Variants in FAM118B observed in about 807,000 individuals in gnomAD.
FAM118B encodes protein FAM118B.
FAM118B carries 24 observed loss-of-function variants against 38.5 expected under a neutral mutation model. That is an observed-to-expected ratio of 0.62 (90% CI 0.45 to 0.88). The LOEUF is 0.88. FAM118B is among the 40% of genes least tolerant of loss of function. FAM118B has a pLI of 0.00. For missense variants in FAM118B, 334 were observed against 420.0 expected (o/e 0.80, Z 1.79); for synonymous variants, 138 against 156.3 (o/e 0.88, Z 0.87).
chr11:126,257,198 A>C (rs559390835), intron 7 of FAM118B, among the ~76,000 whole-genome samples: 17 of 152,240 alleles, frequency 1.1e-4, no homozygotes, highest in Middle Eastern at 3.2e-3. Context: ...AAATTTATTC[A>C]TGGAGTATTT....
At chr11:126,251,843 C>T (rs1203591255) in intron 5 of FAM118B, among the ~76,000 whole-genome samples, 5 of 151,634 alleles carry the variant, frequency 3.3e-5, no homozygotes, top group African/African-American at 7.3e-5. Flanking sequence ...CCACAACGCC[C>T]GGCTAATTTT....
At chr11:126,247,789 C>T (rs1015922093) in intron 4 of FAM118B, among the ~76,000 whole-genome samples, 4 of 149,604 alleles carry the variant, frequency 2.7e-5, no homozygotes, top group Admixed American at 6.7e-5. Context: ...ACCCAGGAGG[C>T]GGAGGTTGCA....
intron 2 of FAM118B, among the ~76,000 whole-genome samples, chr11:126,232,671 AT>A (rs999918565): frequency 2.4e-4 from 37 of 151,748 alleles, no homozygotes; most frequent in African/African-American, 8.5e-4. Context: ...TAAAAAATAT[AT>A]TTTTTTAAGT....
rs763404817 is a variant in FAM118B at position 126,253,642 on chromosome 11, AT to A, written c.568-657del. Among the ~76,000 whole-genome samples, 1 of 152,080 alleles carries A rather than the reference AT, an allele frequency of 6.6e-6. No individual in the cohort carries two copies. Among genetic ancestry groups the A allele is most frequent in the Non-Finnish European group, 1.5e-5 (1 of 68,018 alleles). ...ACTGGGCTCAGTGACTCAGCCAGGC[AT>A]TTTTTCTGCTGATTTTTGCACCCTC... On this transcript the variant is annotated intron_variant, in intron 5 of 8. Coordinates refer to ENST00000533050, the MANE Select transcript of FAM118B (RefSeq NM_024556.4). This position sits in a 1 kb window ranked among gnomAD's most constrained non-coding sequence, Gnocchi z 5.1.
At chr11:126,237,027 C>T (rs1950283478) in intron 3 of FAM118B, among the ~76,000 whole-genome samples, 1 of 148,922 alleles carries the variant, frequency 6.7e-6, no homozygotes, top group Admixed American at 6.7e-5. Context: ...CACCATTCTC[C>T]TGCCTCAGCC....
At chr11:126,225,994 A>T (rs1950135213) in intron 1 of FAM118B, among the ~76,000 whole-genome samples, 1 of 152,214 alleles carries the variant, frequency 6.6e-6, no homozygotes, top group African/African-American at 2.4e-5. Context: ...AAAAAGAAGA[A>T]GATTACTAAA....
intron 4 of FAM118B, 118 bp downstream of exon 4, chr11:126,241,162 G>A: frequency 9.0e-7 from 1 of 1,111,566 alleles, no homozygotes; most frequent in Non-Finnish European, 1.3e-6. Context: ...TTCATTTACA[G>A]CTTGTAGGTT....
At chr11:126,214,805 A>C (rs1203685054) in intron 1 of FAM118B, among the ~76,000 whole-genome samples, 4 of 152,140 alleles carry the variant, frequency 2.6e-5, no homozygotes, top group Admixed American at 1.3e-4. Context: ...CTTTTTAAAG[A>C]TATTTCCTAG....
intron 4 of FAM118B, among the ~76,000 whole-genome samples, chr11:126,247,430 AT>A (rs1040431312): frequency 7.9e-5 from 12 of 152,204 alleles, no homozygotes; most frequent in South Asian, 2.1e-4. Context: ...AGTGACCTGG[AT>A]TTTTTTCCCC....
In FAM118B at chr11:126,244,507, G is replaced by A. The variant is rs568044250; in HGVS notation, c.339+3463G>A. Among the ~76,000 whole-genome samples the A allele has an allele frequency of 6.6e-6, 1 of 152,242 alleles. No homozygotes were observed. Among genetic ancestry groups the A allele is most frequent in the African/African-American group, 2.4e-5 (1 of 41,552 alleles). On this transcript the variant is annotated intron_variant, in intron 4 of 8. Coordinates refer to ENST00000533050, the MANE Select transcript of FAM118B (RefSeq NM_024556.4). This position sits in a 1 kb window ranked among gnomAD's most constrained non-coding sequence, Gnocchi z 4.5. ...TAAAATAGCTAGGAATAAATTTAAC[G>A]AAAGAAGTACAGAAGGCTAGGCGTG...
chr11:126,236,535 A>G (rs1198995607), intron 3 of FAM118B, among the ~76,000 whole-genome samples: 5 of 152,104 alleles, frequency 3.3e-5, no homozygotes, highest in Non-Finnish European at 5.9e-5. Context: ...TTTTATTCTC[A>G]GTAACCTGAA....
At chr11:126,241,195 C>A in intron 4 of FAM118B, 151 bp downstream of exon 4, 2 of 817,550 alleles carry the variant, frequency 2.4e-6, no homozygotes, top group Non-Finnish European at 3.7e-6. Flanking sequence ...GACTCTTCTG[C>A]GCAATGTCTG....
rs902068562 is a variant in FAM118B, at chr11:126,262,417, G to T, written c.*284G>T. The T allele has an allele frequency of 4.5e-5, 21 of 467,132 alleles. No individual in the cohort carries two copies. The East Asian group carries it at 7.3e-4, about 16-fold the overall frequency. 28.9% of individuals were successfully genotyped at this position (467,132 alleles called of 1,614,324 possible). On this transcript the variant is annotated 3_prime_UTR_variant, in exon 9 of 9. Transcript: ENST00000533050. The stretch of plus-strand genomic sequence containing the variant: ...GGCTAGACATGCTTGTGTCCACACA[G>T]CACACCAATGTGATACTTCCACTGA...
At chr11:126,214,309 C>T (rs1449107619) in intron 1 of FAM118B, 1 of 144,348 alleles carries the variant, frequency 6.9e-6, no homozygotes, top group Non-Finnish European at 1.5e-5. Context: ...GCCGAGATCG[C>T]ATCACTGCAC....
intron 1 of FAM118B, among the ~76,000 whole-genome samples, chr11:126,223,102 G>A (rs961347026): frequency 2.0e-5 from 3 of 150,058 alleles, no homozygotes; most frequent in Admixed American, 1.3e-4. Flanking sequence ...TGGGGCGGGG[G>A]AGGGGGGGGT....
rs531931949 is a variant in FAM118B at position 126,213,531 on chromosome 11, A to G, written c.-77+1701A>G. On this transcript the variant is annotated intron_variant, in intron 1 of 8. Coordinates refer to ENST00000533050, the MANE Select transcript of FAM118B (RefSeq NM_024556.4). Reference sequence around the variant, plus strand: ...ACCTAGGTTCTAATTTCACTTGAACATCACATATTACTTAGATACTTGAAG... The same window carrying G: ...ACCTAGGTTCTAATTTCACTTGAACGTCACATATTACTTAGATACTTGAAG... Among the ~76,000 whole-genome samples, 66 of 152,356 alleles carry G rather than the reference A, an allele frequency of 4.3e-4. 1 individual carries two copies. Among genetic ancestry groups the G allele is most frequent in the Non-Finnish European group, 7.5e-4 (51 of 68,030 alleles).
chr11:126,259,425 C>CTTT lies in FAM118B; in HGVS notation c.983-1983_983-1981dup, dbSNP rs397945854. Among the ~76,000 whole-genome samples the CTTT allele has an allele frequency of 8.9e-4, 115 of 129,408 alleles. 3 individuals carry two copies. The East Asian group carries it at 0.019, about 22-fold the overall frequency. The allele number at this position is 129,408 out of a possible 152,430, so 84.9% of individuals were successfully genotyped here. A position where few individuals can be genotyped will look rare whatever the true frequency, so the allele number is the denominator to read the frequency against. ...TACCATACAAGCAGTCGTTGTGGTACTTTTTTTTTTTTTTTTTTTGAGATG... is the reference window on the plus strand; with the variant it reads ...TACCATACAAGCAGTCGTTGTGGTACTTTTTTTTTTTTTTTTTTTTTTGAGATG... On this transcript the variant is annotated intron_variant, in intron 7 of 8. Transcript: ENST00000533050.
chr11:126,217,305 T>A (rs1565323748), intron 1 of FAM118B, among the ~76,000 whole-genome samples: 1 of 152,254 alleles, frequency 6.6e-6, no homozygotes, highest in Non-Finnish European at 1.5e-5. Flanking sequence ...GATTTCTTGT[T>A]GTGATAGATT....
chr11:126,214,503 G>GTTTTTGTT (rs1555048584), intron 1 of FAM118B: 409 of 28,252 alleles, frequency 0.014, 6 homozygotes, highest in African/African-American at 0.034. Flanking sequence ...TTTTTTTTTT[G>GTTTTTGTT]TTTTTTTTTT....
Sources: gnomAD v4.1 joint callset for allele counts (sites outside exome capture counted in the v4.1 genomes callset) on GRCh38, gnomAD v4.1.1 for gene constraint, Gnocchi (gnomAD v3.1) non-coding constraint, MANE v1.5 for transcripts, NCBI Gene and HGNC (gene_info 2026-07-23, HGNC 2026-07-21) for gene names.